PCBP3: variants seen among roughly 807,000 people sequenced by gnomAD.
PCBP3 encodes poly(rC) binding protein 3.
A neutral mutation model predicts 52.7 loss-of-function variants in PCBP3; 25 were observed. That is an observed-to-expected ratio of 0.47 (90% CI 0.35 to 0.66). The LOEUF is 0.66. Ranked by LOEUF, PCBP3 falls within the 30% of genes least tolerant of loss-of-function variation. The pLI, the probability that PCBP3 is intolerant of heterozygous loss-of-function variation, is 0.01. For missense variants in PCBP3, 391 were observed against 490.3 expected (o/e 0.80, Z 1.91); for synonymous variants, 162 against 183.0 (o/e 0.89, Z 0.93).
At chr21:45,679,498 G>C (rs1439082166) in intron 2 of PCBP3, among the ~76,000 whole-genome samples, 1 of 152,108 alleles carries the variant, frequency 6.6e-6, no homozygotes. Flanking sequence ...GACTACAGTA[G>C]GGTGTAAACA....
intron 4 of PCBP3, among the ~76,000 whole-genome samples, chr21:45,824,219 G>A (rs1025275305): frequency 2.0e-4 from 30 of 152,066 alleles, no homozygotes; most frequent in East Asian, 1.2e-3. Flanking sequence ...CATTTCTCTC[G>A]GACACTCAGG....
At chr21:45,804,256 G>A (rs1603435246) in intron 4 of PCBP3, among the ~76,000 whole-genome samples, 1 of 152,184 alleles carries the variant, frequency 6.6e-6, no homozygotes. Context: ...CTCCTTTGGA[G>A]GGATTCTGTT....
intron 3 of PCBP3, among the ~76,000 whole-genome samples, chr21:45,745,830 AC>A (rs1471921108): frequency 6.6e-6 from 1 of 152,266 alleles, no homozygotes; most frequent in East Asian, 1.9e-4. Context: ...CCTGGGGGTC[AC>A]CCACACTTCA....
intron 5 of PCBP3, chr21:45,872,746 C>T (rs1403895403): frequency 6.6e-6 from 1 of 152,152 alleles, no homozygotes; most frequent in African/African-American, 2.4e-5. Context: ...CTGTCTGTGC[C>T]TGGCGCGTGG....
rs1055275418 is a variant in PCBP3, at chr21:45,874,119, C to T, written c.11-22089C>T. ...CTGGGATCACAGGCGTGAGCCACCG[C>T]GCCCGGCCCGCTTGTCTATTCTTAT... On this transcript the variant is annotated intron_variant, in intron 5 of 17. Transcript: ENST00000681687. 3.3e-5 allele frequency among the ~76,000 whole-genome samples: 5 copies of T among 152,358 alleles called. No individual in the cohort carries two copies. In the East Asian group the frequency reaches 5.8e-4, roughly 18 times the overall value.
intron 1 of PCBP3, among the ~76,000 whole-genome samples, chr21:45,660,682 A>G (rs2080330893): frequency 6.6e-6 from 1 of 152,174 alleles, no homozygotes; most frequent in Non-Finnish European, 1.5e-5. Context: ...TCACTAGTAT[A>G]CAGAAACTTT....
chr21:45,778,642 A>G (rs1257555419), intron 4 of PCBP3, among the ~76,000 whole-genome samples: 1 of 152,108 alleles, frequency 6.6e-6, no homozygotes, highest in Non-Finnish European at 1.5e-5. Context: ...GGGAGATGAG[A>G]CCCAAACTCA....
At chr21:45,927,549 C>T (rs1017902154) in intron 13 of PCBP3, among the ~76,000 whole-genome samples, 2 of 150,866 alleles carry the variant, frequency 1.3e-5, no homozygotes, top group Non-Finnish European at 3.0e-5. Flanking sequence ...CCTGACTGAT[C>T]CCGGGCAGAG....
intron 5 of PCBP3, chr21:45,893,867 C>G (rs908569934): frequency 5.4e-5 from 53 of 985,304 alleles, no homozygotes; most frequent in Non-Finnish European, 6.3e-5. Flanking sequence ...CGAGCATGGG[C>G]TGCTGCAGGC....
chr21:45,877,120 G>A (rs932369488), intron 5 of PCBP3, among the ~76,000 whole-genome samples: 29 of 152,326 alleles, frequency 1.9e-4, no homozygotes, highest in Non-Finnish European at 4.3e-4. Context: ...ACTTTCAAAC[G>A]TGGGTCTCTT....
chr21:45,898,318 TGCACACCGTC>T (rs2095888222), intron 6 of PCBP3, among the ~76,000 whole-genome samples: 1 of 86,226 alleles, frequency 1.2e-5, no homozygotes, highest in African/African-American at 4.7e-5. Context: ...AGTCTCCCTC[TGCACACCGTC>T]CTCACAGCCT....
In PCBP3 at chr21:45,737,604, A is replaced by G. The variant is rs2085981754; in HGVS notation, c.-162+2175A>G. On this transcript the variant is annotated intron_variant, in intron 3 of 17. Coordinates refer to ENST00000681687, the MANE Select transcript of PCBP3 (RefSeq NM_001384156.1). This position sits in a 1 kb window ranked among gnomAD's most constrained non-coding sequence, Gnocchi z 4.9. Reference sequence around the variant, plus strand: ...GCCATGCCCCGGCAGCCAGGCTGAGAGGCAGAGCAAGCAGTGCAGGTGGAC... The same window carrying G: ...GCCATGCCCCGGCAGCCAGGCTGAGGGGCAGAGCAAGCAGTGCAGGTGGAC... 6.6e-6 allele frequency among the ~76,000 whole-genome samples: 1 copy of G among 152,192 alleles called. No individual in the cohort carries two copies. The highest frequency in any genetic ancestry group is 6.5e-5 in the Admixed American group (1 of 15,286).
chr21:45,804,367 A>G lies in PCBP3; in HGVS notation c.-125-45594A>G, dbSNP rs73378591. On this transcript the variant is annotated intron_variant, in intron 4 of 17. Transcript: ENST00000681687. ...CCTAGTGCCCACACCATCCATGTAG[A>G]TTATATTGATTTACTCCAGCTATTT... Among the ~76,000 whole-genome samples, 741 of 152,256 alleles carry G rather than the reference A, an allele frequency of 4.9e-3. 7 individuals carry two copies. Among genetic ancestry groups the G allele is most frequent in the African/African-American group, 0.016 (679 of 41,528 alleles).
At chr21:45,824,327 C>T (rs1041660378) in intron 4 of PCBP3, among the ~76,000 whole-genome samples, 1 of 152,190 alleles carries the variant, frequency 6.6e-6, no homozygotes, top group Non-Finnish European at 1.5e-5. Context: ...TTTTAGATCT[C>T]ATTCCCTTCT....
chr21:45,752,727 G>A (rs73378549), intron 3 of PCBP3: 1 of 151,880 alleles, frequency 6.6e-6, no homozygotes, highest in African/African-American at 2.4e-5. Flanking sequence ...GCTCACACAT[G>A]GTCAAGTATT....
intron 2 of PCBP3, among the ~76,000 whole-genome samples, chr21:45,707,896 G>T (rs1462008939): frequency 6.6e-6 from 1 of 152,198 alleles, no homozygotes; most frequent in Non-Finnish European, 1.5e-5. Context: ...AGCACCCCAG[G>T]TGTCATCTTG....
rs187939020 is a variant in PCBP3, at chr21:45,756,978, T to C, written c.-126+1526T>C. 2.9e-3 allele frequency among the ~76,000 whole-genome samples: 435 copies of C among 152,362 alleles called. 3 individuals are homozygous for C. The highest frequency in any genetic ancestry group is 0.01 in the Middle Eastern group (3 of 294). On this transcript the variant is annotated intron_variant, in intron 4 of 17. Transcript: ENST00000681687. Reference sequence around the variant, plus strand: ...ACTTTTTGGCTATTATGAATAATGCTTCTACAAACATTCCTGTACAAGTTT... The same window carrying C: ...ACTTTTTGGCTATTATGAATAATGCCTCTACAAACATTCCTGTACAAGTTT...
At chr21:45,776,473 T>C (rs558129706) in intron 4 of PCBP3, among the ~76,000 whole-genome samples, 1 of 100,576 alleles carries the variant, frequency 9.9e-6, no homozygotes, top group African/African-American at 3.5e-5. Flanking sequence ...TCTCTCTTTC[T>C]CTCTCTCTCT....
intron 4 of PCBP3, among the ~76,000 whole-genome samples, chr21:45,826,170 A>T (rs1332817924): frequency 6.6e-6 from 1 of 152,064 alleles, no homozygotes; most frequent in Non-Finnish European, 1.5e-5. Context: ...AGGCAGGAGA[A>T]CTGCTGGAAC....
Sources: allele counts gnomAD v4.1 joint callset (sites outside exome capture counted in the v4.1 genomes callset), GRCh38; gene constraint gnomAD v4.1.1; non-coding constraint Gnocchi (gnomAD v3.1); transcripts MANE v1.5; gene names NCBI Gene and HGNC (gene_info 2026-07-23, HGNC 2026-07-21).